EDNRB: variants seen among roughly 807,000 people sequenced by gnomAD.
The protein encoded by EDNRB is Hirschsprung disease 2.
Under a neutral mutation model 46.4 loss-of-function variants are expected in EDNRB, and 18 were observed. The ratio of observed to expected loss-of-function variants is 0.39; its 90% CI spans 0.27 to 0.57. The LOEUF is 0.57. Among genes scored for constraint, EDNRB ranks in the 20% least tolerant of loss-of-function variants. The pLI is 0.61. For synonymous variants in EDNRB, 213 were observed against 204.9 expected (o/e 1.04, Z -0.34); for missense variants, 434 against 537.5 (o/e 0.81, Z 1.90).
intron 1 of EDNRB, among the ~76,000 whole-genome samples, chr13:77,951,611 A>T (rs1356018151): frequency 6.6e-6 from 1 of 152,198 alleles, no homozygotes; most frequent in Non-Finnish European, 1.5e-5. Flanking sequence ...TGCAGCAAAG[A>T]GAACAAGGCT....
At chr13:77,906,060 C>T (rs78440955) in intron 1 of EDNRB, among the ~76,000 whole-genome samples, 2,011 of 151,980 alleles carry the variant, frequency 0.013, 44 homozygotes, top group Non-Finnish European at 0.017. Flanking sequence ...GGATCCTGTG[C>T]GCCCTGAGGC....
At chr13:77,935,068 G>C (rs1056020334) in intron 1 of EDNRB, among the ~76,000 whole-genome samples, 33 of 151,664 alleles carry the variant, frequency 2.2e-4, no homozygotes, top group Admixed American at 2.0e-4. Context: ...ACAGCTGAAG[G>C]AGCCGGGGAG....
intron 1 of EDNRB, among the ~76,000 whole-genome samples, chr13:77,929,996 C>T (rs1255537268): frequency 6.6e-6 from 1 of 152,120 alleles, no homozygotes; most frequent in Non-Finnish European, 1.5e-5. Flanking sequence ...CATCAGACCT[C>T]GTGATAAACT....
chr13:77,951,802 A>G (rs971012355), intron 1 of EDNRB, among the ~76,000 whole-genome samples: 1 of 152,120 alleles, frequency 6.6e-6, no homozygotes, highest in Non-Finnish European at 1.5e-5. Context: ...TAACCCTCTT[A>G]GTCTTTAGGA....
chr13:77,960,765 A>T (rs991407290), intron 1 of EDNRB, among the ~76,000 whole-genome samples: 1 of 151,990 alleles, frequency 6.6e-6, no homozygotes, highest in African/African-American at 2.4e-5. Flanking sequence ...AGAGTCAAGA[A>T]CCATCAGTGT....
At chr13:77,949,941 A>G (rs941022793) in intron 1 of EDNRB, among the ~76,000 whole-genome samples, 3 of 152,048 alleles carry the variant, frequency 2.0e-5, no homozygotes, top group Non-Finnish European at 4.4e-5. Context: ...TCTCCTCCCC[A>G]AGTCCTCACT....
chr13:77,919,372 T>A (rs1307970393), upstream of EDNRB: 1 of 1,600,406 alleles, frequency 6.2e-7, no homozygotes. Flanking sequence ...ATGATTTTAA[T>A]TCAACACCAA....
intron 1 of EDNRB, among the ~76,000 whole-genome samples, chr13:77,956,539 A>G (rs1881247044): frequency 6.6e-6 from 1 of 152,194 alleles, no homozygotes; most frequent in Non-Finnish European, 1.5e-5. Flanking sequence ...TTTACGGAAC[A>G]TAAGTGGCAA....
At chr13:77,927,612 G>A (rs922870207) in intron 1 of EDNRB, among the ~76,000 whole-genome samples, 1 of 152,122 alleles carries the variant, frequency 6.6e-6, no homozygotes, top group Non-Finnish European at 1.5e-5. Context: ...ATCATTACTG[G>A]GATGCTTTGC....
intron 1 of EDNRB, among the ~76,000 whole-genome samples, chr13:77,957,292 C>T (rs1046002703): frequency 6.6e-6 from 1 of 152,176 alleles, no homozygotes; most frequent in African/African-American, 2.4e-5. Context: ...GGAAAGTTCA[C>T]ACCATGGGGT....
chr13:77,933,347 C>G (rs1165383726), intron 1 of EDNRB, among the ~76,000 whole-genome samples: 1 of 151,928 alleles, frequency 6.6e-6, no homozygotes, highest in Admixed American at 6.6e-5. Flanking sequence ...GGGGTGGGGC[C>G]GTTTTATAAG....
chr13:77,915,887 G>C (rs141990555), intron 1 of EDNRB, among the ~76,000 whole-genome samples: 1 of 152,214 alleles, frequency 6.6e-6, no homozygotes, highest in African/African-American at 2.4e-5. Context: ...TCAGGGAAAA[G>C]GATGTAACTT....
At chr13:77,902,682 A>G (rs1304409345) in intron 3 of EDNRB, among the ~76,000 whole-genome samples, 2 of 151,982 alleles carry the variant, frequency 1.3e-5, no homozygotes, top group Non-Finnish European at 1.5e-5. Context: ...ACCCTACCCA[A>G]TAGGGGAAAG....
At chr13:77,974,889 T>A (rs1268335406) in intron 1 of EDNRB, among the ~76,000 whole-genome samples, 2 of 152,222 alleles carry the variant, frequency 1.3e-5, no homozygotes, top group East Asian at 3.9e-4. Flanking sequence ...AATCCCTTTT[T>A]GAAATTTTTC....
intron 1 of EDNRB, among the ~76,000 whole-genome samples, chr13:77,948,183 G>T (rs1880986441): frequency 6.6e-6 from 1 of 152,110 alleles, no homozygotes; most frequent in Non-Finnish European, 1.5e-5. Context: ...TTCTAGGAAG[G>T]TTGAAGATAG....
At chr13:77,903,840 C>T (rs781401534) in intron 1 of EDNRB, among the ~76,000 whole-genome samples, 4 of 151,920 alleles carry the variant, frequency 2.6e-5, no homozygotes, top group Admixed American at 1.3e-4. Context: ...CATGCGTATA[C>T]AGTAGCTTAG....
At chr13:77,967,842 G>A (rs748547776) in intron 1 of EDNRB, among the ~76,000 whole-genome samples, 15 of 152,132 alleles carry the variant, frequency 9.9e-5, no homozygotes, top group South Asian at 4.1e-4. Context: ...TCTGAACCAC[G>A]TCTTCCTTTA....
At chr13:77,962,399 C>A (rs866718582) in intron 1 of EDNRB, among the ~76,000 whole-genome samples, 1 of 152,058 alleles carries the variant, frequency 6.6e-6, no homozygotes, top group Non-Finnish European at 1.5e-5. Flanking sequence ...ACTGGCAAAG[C>A]GAATCCAGCA....
chr13:77,925,844 G>A (rs1880221776), intron 1 of EDNRB, among the ~76,000 whole-genome samples: 2 of 152,260 alleles, frequency 1.3e-5, no homozygotes, highest in South Asian at 2.1e-4. Context: ...TGGAAAAGAC[G>A]CAGACAATCA....
Sources: gnomAD v4.1 joint callset for allele counts (sites outside exome capture counted in the v4.1 genomes callset) on GRCh38, gnomAD v4.1.1 for gene constraint, MANE v1.5 for transcripts, NCBI Gene and HGNC (gene_info 2026-07-23, HGNC 2026-07-21) for gene names.